The following IL1RAPL1 variants were observed in gnomAD, a reference collection of about 807,000 sequenced individuals.
IL1RAPL1 encodes the protein interleukin-1 receptor accessory protein-like 1.
In IL1RAPL1, 3 loss-of-function variants were observed where a neutral mutation model predicts 48.4. That is an observed-to-expected ratio of 0.06 (90% CI 0.03 to 0.16). IL1RAPL1 has a LOEUF of 0.16. IL1RAPL1 is among the 10% of genes least tolerant of loss of function. IL1RAPL1 has a pLI of 1.00. For synonymous variants in IL1RAPL1, 185 were observed against 187.7 expected (o/e 0.99, Z 0.12); for missense variants, 349 against 530.6 (o/e 0.66, Z 3.36).
chrX:28,908,885 A>G (rs181051766), intron 2 of IL1RAPL1, among the ~76,000 whole-genome samples: 15 of 111,700 alleles, frequency 1.3e-4, no homozygotes, highest in African/African-American at 3.6e-4. Flanking sequence ...AGGTGCTTAC[A>G]TATTTAAGAT....
At chrX:29,144,779 T>G (rs779719397) in intron 2 of IL1RAPL1, among the ~76,000 whole-genome samples, 1 of 102,528 alleles carries the variant, frequency 9.8e-6, no homozygotes, top group South Asian at 4.8e-4. Context: ...CAGGCTGGAG[T>G]GCAGTGGTTC....
chrX:28,593,587 G>GT (rs1933925393), intron 1 of IL1RAPL1, among the ~76,000 whole-genome samples: 1 of 111,406 alleles, frequency 9.0e-6, no homozygotes, highest in South Asian at 3.7e-4. Flanking sequence ...ATTGTACGTT[G>GT]TAACACTACG....
In IL1RAPL1 at chrX:29,214,402, G is replaced by A. The variant is rs778592066; in HGVS notation, c.83-68536G>A. On this transcript the variant is annotated intron_variant, in intron 2 of 10. Coordinates refer to ENST00000378993, the MANE Select transcript of IL1RAPL1 (RefSeq NM_014271.4). ...GAGGATGTGGTTTTAAATATTCCAG[G>A]AAAAAAAATAAGTGAAAGGAATAAA... 2.7e-5 allele frequency among the ~76,000 whole-genome samples: 3 copies of A among 110,669 alleles called. No homozygotes were observed. In the South Asian group the frequency reaches 1.1e-3, roughly 42 times the overall value.
intron 5 of IL1RAPL1, among the ~76,000 whole-genome samples, chrX:29,463,785 A>T (rs1188449396): frequency 9.0e-6 from 1 of 111,702 alleles, no homozygotes; most frequent in South Asian, 3.8e-4. Context: ...TAAGTTAGAA[A>T]AGGTCATTTA....
Position 29,057,417 on chromosome X carries a change from TTTTTTTTTTTC to T in IL1RAPL1, c.83-225511_83-225501del, listed in dbSNP as rs1160536439. 6.9e-4 allele frequency among the ~76,000 whole-genome samples: 17 copies of T among 24,777 alleles called. No homozygotes were observed. The African/African-American group carries it at 8.0e-3, about 12-fold the overall frequency. 21.5% of individuals were successfully genotyped at this position (24,777 alleles called of 115,157 possible). On this transcript the variant is annotated intron_variant, in intron 2 of 10. Transcript: ENST00000378993. ...AGCAGATCATGTTTGTTTGGCCTACTTTTTTTTTTTCTTTTTTTTTCTTTTTTTTGAGACAG... is the reference window on the plus strand; with the variant it reads ...AGCAGATCATGTTTGTTTGGCCTACTTTTTTTTTTCTTTTTTTTGAGACAG...
chrX:29,189,930 A>G (rs1431085402), intron 2 of IL1RAPL1, among the ~76,000 whole-genome samples: 1 of 111,817 alleles, frequency 8.9e-6, no homozygotes, highest in Admixed American at 9.6e-5. Flanking sequence ...TATGACGTGA[A>G]TGGCATGTTG....
chrX:29,813,460 C>A (rs915046042), intron 6 of IL1RAPL1, among the ~76,000 whole-genome samples: 34 of 111,774 alleles, frequency 3.0e-4, no homozygotes, highest in African/African-American at 1.0e-3. Context: ...AAAAAAAAAT[C>A]AGTTTGCTTG....
At chrX:28,665,494 T>C (rs1934865591) in intron 1 of IL1RAPL1, among the ~76,000 whole-genome samples, 1 of 111,183 alleles carries the variant, frequency 9.0e-6, no homozygotes, top group East Asian at 2.8e-4. Context: ...ACTTTTTTTT[T>C]GTTTGTTTGT....
chrX:29,103,605 G>A (rs1187458586), intron 2 of IL1RAPL1, among the ~76,000 whole-genome samples: 1 of 110,900 alleles, frequency 9.0e-6, no homozygotes, highest in African/African-American at 3.3e-5. Flanking sequence ...GGCAACCAAA[G>A]CAAAAATAGA....
intron 5 of IL1RAPL1, among the ~76,000 whole-genome samples, chrX:29,493,435 T>C (rs1935179893): frequency 8.9e-6 from 1 of 112,525 alleles, no homozygotes; most frequent in South Asian, 3.6e-4. Flanking sequence ...GTTTAATACA[T>C]GACATGCTTA....
At chrX:28,946,530 C>T (rs1188362951) in intron 2 of IL1RAPL1, among the ~76,000 whole-genome samples, 1 of 111,086 alleles carries the variant, frequency 9.0e-6, no homozygotes, top group East Asian at 2.8e-4. Context: ...CAGAGACTGC[C>T]TGGTACCTTT....
chrX:28,661,619 C>G (rs1160849246), intron 1 of IL1RAPL1, among the ~76,000 whole-genome samples: 3 of 107,702 alleles, frequency 2.8e-5, no homozygotes, highest in Admixed American at 9.7e-5. Flanking sequence ...GGTATTAACT[C>G]TAGGAGACAG....
At chrX:29,944,346 C>G (rs943608619) in intron 9 of IL1RAPL1, among the ~76,000 whole-genome samples, 3 of 111,525 alleles carry the variant, frequency 2.7e-5, no homozygotes, top group African/African-American at 9.8e-5. Context: ...CAGGGCCCCA[C>G]TCTTAACTCG....
chrX:29,938,910 T>A (rs1933078248), intron 8 of IL1RAPL1, among the ~76,000 whole-genome samples: 2 of 112,623 alleles, frequency 1.8e-5, no homozygotes, highest in African/African-American at 6.4e-5. Flanking sequence ...TGCGTATCAG[T>A]AGTTTACTAC....
intron 1 of IL1RAPL1, among the ~76,000 whole-genome samples, chrX:28,746,661 T>C (rs2146955633): frequency 8.9e-6 from 1 of 112,036 alleles, no homozygotes; most frequent in Non-Finnish European, 1.9e-5. Context: ...TTAAAATAGT[T>C]ATTATGCCTT....
intron 1 of IL1RAPL1, among the ~76,000 whole-genome samples, chrX:28,619,294 A>G (rs1315592984): frequency 9.0e-6 from 1 of 110,810 alleles, no homozygotes; most frequent in African/African-American, 3.3e-5. Context: ...TAGTGCATCT[A>G]TAAAATTGTT....
intron 6 of IL1RAPL1, among the ~76,000 whole-genome samples, chrX:29,709,513 TTTTTG>T (rs199507340): frequency 6.3e-5 from 7 of 111,190 alleles, no homozygotes; most frequent in African/African-American, 2.0e-4. Context: ...TGTGTCTCTT[TTTTTG>T]TTTTGTTTTG....
At chrX:29,556,153 G>A (rs748185297) in intron 5 of IL1RAPL1, among the ~76,000 whole-genome samples, 1 of 111,591 alleles carries the variant, frequency 9.0e-6, no homozygotes, top group South Asian at 3.8e-4. Flanking sequence ...GTCCAGTCAG[G>A]GGAACATGGG....
chrX:28,990,269 A>G (rs1003514693), intron 2 of IL1RAPL1, among the ~76,000 whole-genome samples: 2 of 111,953 alleles, frequency 1.8e-5, no homozygotes, highest in Non-Finnish European at 3.8e-5. Flanking sequence ...CAGTCTGTCC[A>G]ACTTCTGAGC....
Sources: gnomAD v4.1 joint callset for allele counts (sites outside exome capture counted in the v4.1 genomes callset) on GRCh38, gnomAD v4.1.1 for gene constraint, MANE v1.5 for transcripts, NCBI Gene and HGNC (gene_info 2026-07-23, HGNC 2026-07-21) for gene names.